GLB1L3: variants seen among roughly 807,000 people sequenced by gnomAD.
GLB1L3 encodes the protein galactosidase beta 1 like 3.
In GLB1L3, 89 loss-of-function variants were observed where a neutral mutation model predicts 89.5. That is an observed-to-expected ratio of 0.99 (90% CI 0.84 to 1.19). The LOEUF is 1.19. Among genes scored for constraint, GLB1L3 ranks in the 50% most tolerant of loss-of-function variants. The probability of loss-of-function intolerance (pLI) is 0.00; values close to 1 mark genes in which losing one functional copy is unlikely to be tolerated. For missense variants in GLB1L3, 812 were observed against 813.3 expected, an observed-to-expected ratio of 1.00 and a Z score of 0.02; for synonymous variants, 314 against 312.3, an observed-to-expected ratio of 1.01 and a Z score of -0.06.
chr11:134,277,156 C>A, intron 1 of GLB1L3, 170 bp from the exon 2 acceptor site: 1 of 784,334 alleles, frequency 1.3e-6, no homozygotes, highest in Admixed American at 1.9e-5. Context: ...GAGGACTGGC[C>A]GGGTGATGCC....
intron 9 of GLB1L3, among the ~76,000 whole-genome samples, chr11:134,300,256 G>A (rs529135375): frequency 3.0e-4 from 45 of 151,906 alleles, no homozygotes; most frequent in African/African-American, 1.1e-3. Flanking sequence ...TCTTCTCTGT[G>A]TGTGTCTGTG....
chr11:134,277,977 G>A (rs1288196747), intron 3 of GLB1L3, 65 bp downstream of exon 3: 45 of 1,539,858 alleles, frequency 2.9e-5, no homozygotes, highest in East Asian at 6.9e-5. Flanking sequence ...CCGGGAACCT[G>A]AGCCTCCGAT....
At chr11:134,281,915 G>C (rs1426172085) in intron 4 of GLB1L3, 110 bp from the exon 5 acceptor site, 1 of 874,740 alleles carries the variant, frequency 1.1e-6, no homozygotes, top group Admixed American at 2.6e-5. Flanking sequence ...GTGGGGCCGA[G>C]CCGTCCCTTC....
At chr11:134,308,921 CCTT>C (rs1386725339) in intron 10 of GLB1L3, among the ~76,000 whole-genome samples, 1 of 152,164 alleles carries the variant, frequency 6.6e-6, no homozygotes, top group Non-Finnish European at 1.5e-5. Context: ...TGACTTTTAA[CCTT>C]CTTCTTCCCA....
chr11:134,284,870 A>G (rs1341969832), intron 6 of GLB1L3, among the ~76,000 whole-genome samples: 1 of 150,650 alleles, frequency 6.6e-6, no homozygotes, highest in Non-Finnish European at 1.5e-5. Flanking sequence ...ATTGCCCTGC[A>G]TTCTAGTTTG....
intron 6 of GLB1L3, among the ~76,000 whole-genome samples, chr11:134,288,497 G>A (rs186060266): frequency 1.3e-5 from 2 of 152,332 alleles, no homozygotes; most frequent in East Asian, 1.9e-4. Context: ...GAATATGGAT[G>A]GGATTGGCGT....
At chr11:134,318,054 C>T (rs762235216) in intron 18 of GLB1L3, among the ~76,000 whole-genome samples, 7 of 152,200 alleles carry the variant, frequency 4.6e-5, no homozygotes, top group Non-Finnish European at 1.0e-4. Context: ...TTTGATGCTT[C>T]TCTTATATGT....
intron 3 of GLB1L3, among the ~76,000 whole-genome samples, 174 bp downstream of exon 3, chr11:134,278,086 T>G (rs866855114): frequency 3.2e-4 from 48 of 152,078 alleles, no homozygotes; most frequent in African/African-American, 8.0e-4. Flanking sequence ...TCATGCTGAG[T>G]TTGCTCTGTG....
intron 16 of GLB1L3, among the ~76,000 whole-genome samples, 187 bp downstream of exon 16, chr11:134,313,661 G>A (rs1365093081): frequency 6.6e-6 from 1 of 152,226 alleles, no homozygotes; most frequent in African/African-American, 2.4e-5. Context: ...AGGGCCAGAG[G>A]GTGGGGCCAG....
chr11:134,305,327 A>G (rs146113789), intron 9 of GLB1L3: 1 of 491,750 alleles, frequency 2.0e-6, no homozygotes. Context: ...TATGCTTCTT[A>G]CTTAGGAGAA....
At chr11:134,305,053 G>A (rs535007045) in intron 9 of GLB1L3, 1 of 1,538,970 alleles carries the variant, frequency 6.5e-7, no homozygotes, top group South Asian at 1.2e-5. Context: ...GTGGCACAAT[G>A]CTGTAGGCAG....
intron 13 of GLB1L3, 70 bp from the exon 14 acceptor site, chr11:134,312,279 C>T: frequency 3.2e-6 from 5 of 1,552,876 alleles, no homozygotes; most frequent in East Asian, 2.3e-5. Context: ...GACCAAATGA[C>T]AGGGTCTTAG....
chr11:134,324,954 T>G, the GLB1L3 span, among the ~76,000 whole-genome samples: 2 of 152,104 alleles, frequency 1.3e-5, no homozygotes, highest in African/African-American at 4.8e-5. Context: ...TTATACTACA[T>G]TTTATATTTT....
intron 5 of GLB1L3, among the ~76,000 whole-genome samples, chr11:134,282,913 G>A (rs1046490599): frequency 4.6e-5 from 7 of 152,162 alleles, no homozygotes; most frequent in African/African-American, 7.2e-5. Context: ...AGTGACTCCC[G>A]GCATAGCTTG....
intron 18 of GLB1L3, 42 bp from the exon 19 acceptor site, chr11:134,318,589 A>T: frequency 7.8e-7 from 1 of 1,276,298 alleles, no homozygotes; most frequent in Non-Finnish European, 1.1e-6. Flanking sequence ...TACCTTGCTA[A>T]TGTGAACCAA....
chr11:134,283,914 C>T, intron 6 of GLB1L3, 69 bp downstream of exon 6: 1 of 890,854 alleles, frequency 1.1e-6, no homozygotes, highest in African/African-American at 1.6e-5. Context: ...CTGGCTTGAT[C>T]ACTGAAGAGG....
chr11:134,284,823 G>A (rs994033507), intron 6 of GLB1L3, among the ~76,000 whole-genome samples: 2 of 151,392 alleles, frequency 1.3e-5, no homozygotes, highest in African/African-American at 4.9e-5. Flanking sequence ...AAAATAACTT[G>A]CACCCCCCAT....
At chr11:134,322,059 A>G (rs1226160427), downstream of GLB1L3, among the ~76,000 whole-genome samples, 2 of 152,238 alleles carry the variant, frequency 1.3e-5, no homozygotes, top group Admixed American at 1.3e-4. Flanking sequence ...AACTATAAAT[A>G]TTTGAGTTTT....
At chr11:134,307,764 G>A (rs2136196062) in intron 10 of GLB1L3, among the ~76,000 whole-genome samples, 1 of 152,292 alleles carries the variant, frequency 6.6e-6, no homozygotes, top group Middle Eastern at 3.4e-3. Flanking sequence ...CTTCATGCAG[G>A]CTTCCTTCAT....
Sources: gnomAD v4.1 joint callset for allele counts (sites outside exome capture counted in the v4.1 genomes callset) on GRCh38, gnomAD v4.1.1 for gene constraint, MANE v1.5 for transcripts, NCBI Gene and HGNC (gene_info 2026-07-23, HGNC 2026-07-21) for gene names.